The following CDH2 variants were observed in gnomAD, a reference collection of about 807,000 sequenced individuals.
CDH2 encodes the protein cadherin-2.
In CDH2, 17 loss-of-function variants were observed where a neutral mutation model predicts 92.0. That is an observed-to-expected ratio of 0.18 (90% CI 0.13 to 0.28). The LOEUF (loss-of-function observed/expected upper bound fraction) is 0.28, where lower values mean the gene tolerates loss of function less well. CDH2 is among the 10% of genes least tolerant of loss of function. The pLI is 1.00. For synonymous variants in CDH2, 419 were observed against 415.9 expected, an observed-to-expected ratio of 1.01 and a Z score of -0.09; for missense variants, 862 against 1,133.1, an observed-to-expected ratio of 0.76 and a Z score of 3.44.
At chr18:28,004,496 T>G (rs2012858009) in intron 6 of CDH2, among the ~76,000 whole-genome samples, 4 of 152,226 alleles carry the variant, frequency 2.6e-5, no homozygotes, top group African/African-American at 9.6e-5. Context: ...GACAGTCTTT[T>G]ATTTATGGGT....
At position 27,951,150 on chromosome 18, in the gene CDH2, TCTTTC is replaced by T. The variant is rs1228878474; in HGVS notation, c.*998_*1002del. Reference sequence around the variant, plus strand: ...TGCCACCAGTGTCAGGCCACCCCTTTCTTTCCTTTCCTTTTTTTTTTTTTTTGGTA... The same window carrying T: ...TGCCACCAGTGTCAGGCCACCCCTTTCTTTCCTTTTTTTTTTTTTTTGGTA... On this transcript the variant is annotated 3_prime_UTR_variant, in exon 16 of 16. Transcript: ENST00000269141. 6.5e-5 allele frequency: 7 copies of T among 107,014 alleles called. No individual in the cohort carries two copies. The highest frequency in any genetic ancestry group is 1.9e-4 in the African/African-American group (6 of 31,418). 6.6% of individuals were successfully genotyped at this position (107,014 alleles called of 1,614,324 possible). A position where few individuals can be genotyped will look rare whatever the true frequency, so the allele number is the denominator to read the frequency against.
At chr18:28,009,988 C>A in intron 4 of CDH2, 116 bp from the exon 5 acceptor site, 1 of 687,910 alleles carries the variant, frequency 1.5e-6, no homozygotes, top group Non-Finnish European at 2.2e-6. Context: ...CATCTCTCCC[C>A]AGAAAATCAC....
intron 2 of CDH2, among the ~76,000 whole-genome samples, chr18:28,137,895 C>G (rs186643584): frequency 2.0e-4 from 31 of 152,158 alleles, no homozygotes. Flanking sequence ...TTCTCCATTG[C>G]CTGGCATTAA....
intron 14 of CDH2, among the ~76,000 whole-genome samples, chr18:27,965,380 G>A (rs925816178): frequency 2.0e-5 from 3 of 152,198 alleles, no homozygotes; most frequent in Non-Finnish European, 4.4e-5. Context: ...CTTCGAACCC[G>A]CCAGAGTGGG....
chr18:28,026,774 C>A (rs1485452388), intron 2 of CDH2, among the ~76,000 whole-genome samples: 1 of 152,144 alleles, frequency 6.6e-6, no homozygotes, highest in African/African-American at 2.4e-5. Flanking sequence ...CTAGCTCAGA[C>A]ACATGGATCT....
intron 1 of CDH2, among the ~76,000 whole-genome samples, chr18:28,152,019 T>G (rs2016130712): frequency 6.6e-6 from 1 of 152,342 alleles, no homozygotes; most frequent in South Asian, 2.1e-4. Flanking sequence ...TTCTTTTTCT[T>G]GCTTAAAAGC....
chr18:28,119,107 C>G (rs1041693172), intron 2 of CDH2, among the ~76,000 whole-genome samples: 2 of 152,020 alleles, frequency 1.3e-5, no homozygotes, highest in Non-Finnish European at 2.9e-5. Flanking sequence ...CAACCAAGTC[C>G]AAAGTGGGTT....
intron 2 of CDH2, among the ~76,000 whole-genome samples, chr18:28,143,354 T>C (rs369068265): frequency 1.5e-4 from 23 of 152,082 alleles, no homozygotes; most frequent in African/African-American, 5.5e-4. Context: ...AATGTATGAT[T>C]GCAGTTATTT....
intron 2 of CDH2, among the ~76,000 whole-genome samples, chr18:28,138,532 A>G (rs1194305995): frequency 6.6e-6 from 1 of 152,140 alleles, no homozygotes; most frequent in Admixed American, 6.6e-5. Context: ...AGAGTAAACA[A>G]GAATCCTCAA....
chr18:28,054,714 A>G (rs2014258659), intron 2 of CDH2, among the ~76,000 whole-genome samples: 1 of 152,172 alleles, frequency 6.6e-6, no homozygotes, highest in African/African-American at 2.4e-5. Context: ...CTTCCAGGAT[A>G]ATAATCATCA....
At chr18:27,986,148 G>C (rs1183486171) in intron 11 of CDH2, among the ~76,000 whole-genome samples, 1 of 152,082 alleles carries the variant, frequency 6.6e-6, no homozygotes, top group African/African-American at 2.4e-5. Context: ...TCTTTTTATG[G>C]AGAACCAAGA....
At chr18:28,020,566 C>T (rs549366476) in intron 2 of CDH2, among the ~76,000 whole-genome samples, 216 of 152,038 alleles carry the variant, frequency 1.4e-3, no homozygotes, top group African/African-American at 5.0e-3. Flanking sequence ...ATGGCAGGTA[C>T]AGAACTCTGA....
chr18:28,043,304 G>A (rs1050499993), intron 2 of CDH2, among the ~76,000 whole-genome samples: 3 of 151,344 alleles, frequency 2.0e-5, no homozygotes, highest in East Asian at 1.9e-4. Flanking sequence ...GGACTCACGG[G>A]GAAGGGTGGG....
chr18:28,092,558 A>C (rs2015056682), intron 2 of CDH2, among the ~76,000 whole-genome samples: 1 of 151,958 alleles, frequency 6.6e-6, no homozygotes, highest in African/African-American at 2.4e-5. Flanking sequence ...AAAAAAAAAC[A>C]AAAGGATGAA....
At chr18:28,149,970 A>T (rs2016096052) in intron 1 of CDH2, among the ~76,000 whole-genome samples, 1 of 152,244 alleles carries the variant, frequency 6.6e-6, no homozygotes, top group Admixed American at 6.5e-5. Flanking sequence ...ACTGGGAGAC[A>T]GTCTGATACT....
chr18:28,050,505 G>C (rs1052610491), intron 2 of CDH2, among the ~76,000 whole-genome samples: 1 of 152,078 alleles, frequency 6.6e-6, no homozygotes, highest in Admixed American at 6.5e-5. Flanking sequence ...TTCCTGATGA[G>C]GAAATTAAGA....
At chr18:28,023,944 G>A (rs960115884) in intron 2 of CDH2, among the ~76,000 whole-genome samples, 2 of 152,022 alleles carry the variant, frequency 1.3e-5, no homozygotes, top group Non-Finnish European at 1.5e-5. Context: ...ATATAGGCTG[G>A]TAAAATAAGA....
At chr18:27,997,522 A>G (rs906766624) in intron 7 of CDH2, among the ~76,000 whole-genome samples, 2 of 152,200 alleles carry the variant, frequency 1.3e-5, no homozygotes, top group African/African-American at 2.4e-5. Context: ...AAGTAACTGC[A>G]GTTTTTGCCA....
intron 1 of CDH2, among the ~76,000 whole-genome samples, chr18:28,156,595 C>CAGAATGTCACCTTCCCAGGTAT (rs2016219356): frequency 4.3e-5 from 1 of 23,242 alleles, no homozygotes; most frequent in African/African-American, 1.4e-4. Flanking sequence ...TTCCCAGGTA[C>CAGAATGTCACCTTCCCAGGTAT]AGCATGTCAC....
Sources: allele counts gnomAD v4.1 joint callset (sites outside exome capture counted in the v4.1 genomes callset), GRCh38; gene constraint gnomAD v4.1.1; transcripts MANE v1.5; gene names NCBI Gene and HGNC (gene_info 2026-07-23, HGNC 2026-07-21).